Variants in HIBCH observed in about 807,000 individuals in gnomAD.
HIBCH encodes 3-hydroxyisobutyryl-CoA hydrolase, mitochondrial.
A neutral mutation model predicts 58.2 loss-of-function variants in HIBCH; 50 were observed. The observed-to-expected ratio is 0.86, with a 90% CI of 0.68 to 1.09. The LOEUF (loss-of-function observed/expected upper bound fraction) is 1.09, where lower values mean the gene tolerates loss of function less well. HIBCH is among the 50% of genes least tolerant of loss of function. The pLI, the probability that HIBCH is intolerant of heterozygous loss-of-function variation, is 0.00. For missense variants in HIBCH, 450 were observed against 449.7 expected (o/e 1.00, Z -0.01); for synonymous variants, 151 against 146.9 (o/e 1.03, Z -0.20).
rs557505925 is a variant in HIBCH at position 190,197,263 on chromosome 2, C to G, written c.*18-7266G>C. Among the ~76,000 whole-genome samples the G allele has an allele frequency of 2.1e-4, 32 of 152,292 alleles. No individual in the cohort carries two copies. Among genetic ancestry groups the G allele is most frequent in the African/African-American group, 7.7e-4 (32 of 41,568 alleles). On this transcript the variant is annotated intron_variant, in intron 1 of 1. Transcript: ENST00000399855. This position sits in a 1 kb window ranked among gnomAD's most constrained non-coding sequence, Gnocchi z 4.0. ...GCCAAACCTTGTTTAGGGTATACTACTGATTCCTAAGGTGTCGCATTTCTT... is the reference window on the plus strand; with the variant it reads ...GCCAAACCTTGTTTAGGGTATACTAGTGATTCCTAAGGTGTCGCATTTCTT...
At chr2:190,201,717 G>A (rs919254249), downstream of HIBCH, 9 of 166,848 alleles carry the variant, frequency 5.4e-5, no homozygotes, top group Non-Finnish European at 1.2e-4. Flanking sequence ...TAATTTTACC[G>A]AGTCCCGGGA....
chr2:190,292,130 G>A (rs1687974083), intron 4 of HIBCH, among the ~76,000 whole-genome samples: 2 of 148,530 alleles, frequency 1.3e-5, no homozygotes, highest in African/African-American at 2.5e-5. Context: ...TTACAGGCAT[G>A]TGCCACCATG....
intron 9 of HIBCH, among the ~76,000 whole-genome samples, chr2:190,248,783 C>A (rs1312229284): frequency 6.6e-6 from 1 of 151,882 alleles, no homozygotes; most frequent in Non-Finnish European, 1.5e-5. Context: ...ATCGCTTGAA[C>A]CTGGAAGGCA....
chr2:190,235,483 T>C (rs1686248089), intron 11 of HIBCH, among the ~76,000 whole-genome samples: 1 of 152,162 alleles, frequency 6.6e-6, no homozygotes, highest in African/African-American at 2.4e-5. Context: ...TGAAAAAATA[T>C]TGAGGTATAA....
At chr2:190,309,572 T>C (rs1688505698) in intron 2 of HIBCH, among the ~76,000 whole-genome samples, 1 of 151,820 alleles carries the variant, frequency 6.6e-6, no homozygotes, top group Non-Finnish European at 1.5e-5. Flanking sequence ...TTTTTTTTTT[T>C]TTAAGACAGA....
intron 1 of HIBCH, among the ~76,000 whole-genome samples, chr2:190,198,200 A>C (rs1690066924): frequency 6.6e-6 from 1 of 152,192 alleles, no homozygotes; most frequent in African/African-American, 2.4e-5. Context: ...TATTAGGGGT[A>C]GGAACAGATG....
intron 2 of HIBCH, among the ~76,000 whole-genome samples, chr2:190,298,268 C>A (rs897418169): frequency 6.6e-6 from 1 of 152,096 alleles, no homozygotes; most frequent in Non-Finnish European, 1.5e-5. Flanking sequence ...TGGGTATATA[C>A]CCAGAAATGG....
chr2:190,258,002 G>C lies in HIBCH; in HGVS notation c.517+3154C>G, dbSNP rs1052733240. 2.0e-5 allele frequency among the ~76,000 whole-genome samples: 3 copies of C among 152,178 alleles called. No homozygotes were observed. The South Asian group carries it at 6.2e-4, about 32-fold the overall frequency. Reference sequence around the variant, plus strand: ...ATTGACAAATTTCTTGAAAGGCCCTGATATGGTTTGGCTCTGTGTCCCCAT... The same window carrying C: ...ATTGACAAATTTCTTGAAAGGCCCTCATATGGTTTGGCTCTGTGTCCCCAT... On this transcript the variant is annotated intron_variant, in intron 7 of 13. Coordinates refer to ENST00000359678, the MANE Select transcript of HIBCH (RefSeq NM_014362.4).
At chr2:190,283,714 T>C (rs539605203) in intron 6 of HIBCH, among the ~76,000 whole-genome samples, 1 of 152,302 alleles carries the variant, frequency 6.6e-6, no homozygotes, top group East Asian at 1.9e-4. Context: ...ATGCATGTGG[T>C]TGGGCATACC....
At chr2:190,308,380 G>A (rs1688470502) in intron 2 of HIBCH, among the ~76,000 whole-genome samples, 1 of 152,174 alleles carries the variant, frequency 6.6e-6, no homozygotes, top group Non-Finnish European at 1.5e-5. Context: ...AACTCCTGTT[G>A]AAATTTAATC....
intron 9 of HIBCH, among the ~76,000 whole-genome samples, chr2:190,248,700 A>G (rs1686680491): frequency 6.6e-6 from 1 of 151,960 alleles, no homozygotes; most frequent in Non-Finnish European, 1.5e-5. Flanking sequence ...TGTCTCTACT[A>G]AAACACAAAA....
At chr2:190,199,985 T>C, downstream of HIBCH, 1 of 1,614,106 alleles carries the variant, frequency 6.2e-7, no homozygotes, top group South Asian at 1.1e-5. Context: ...GCTTCTCCAG[T>C]TAATGTCAAA....
intron 11 of HIBCH, among the ~76,000 whole-genome samples, chr2:190,218,705 C>T (rs1470172147): frequency 6.6e-6 from 1 of 152,220 alleles, no homozygotes; most frequent in Admixed American, 6.5e-5. Context: ...CTGGTAGCTG[C>T]GTTTCCCCTA....
chr2:190,208,907 G>A lies in HIBCH; in HGVS notation c.1018C>T (p.His340Tyr). ...GCTCTAACGCCTTCATGAAAGTCAT[G>A]ACCTCTCTGAAAGAAAATTGAGATT... ...YRLSQACMRGHDFHEGVRAVL... is the reference protein window; with the variant it reads ...YRLSQACMRGYDFHEGVRAVL... The change falls in exon 13 of 14, where the codon CAT becomes TAT. Residue 340 changes from histidine (H) to tyrosine (Y), a missense_variant. His to Tyr is a moderately conservative substitution (Grantham distance 83). Coordinates refer to ENST00000359678, the MANE Select transcript of HIBCH (RefSeq NM_014362.4). The A allele has an allele frequency of 5.0e-6, 8 of 1,613,402 alleles. No homozygotes were observed. The highest frequency in any genetic ancestry group is 6.8e-6 in the Non-Finnish European group (8 of 1,179,602).
In HIBCH at chr2:190,261,233, C is replaced by T. The variant is rs1687081164; in HGVS notation, c.440G>A (p.Gly147Glu). Residue 147 changes from glycine to glutamate, a missense_variant and splice_region_variant, in exon 7 of 14, where the codon GGA becomes GAA. Gly to Glu is a moderately conservative substitution (Grantham distance 98). Transcript: ENST00000359678. Reference sequence around the variant, plus strand: ...TTGCCCATGGACTGAGAGACCAACTCCCTAGAGAAAAAAGGCAAAAAAAGA... The same window carrying T: ...TTGCCCATGGACTGAGAGACCAACTTCCTAGAGAAAAAAGGCAAAAAAAGA... ...ALIHGITMGG[G>E]VGLSVHGQFR... 6.2e-7 allele frequency: 1 copy of T among 1,612,628 alleles called. No homozygotes were observed. The highest frequency in any genetic ancestry group is 8.5e-7 in the Non-Finnish European group (1 of 1,178,964).
rs1160611469 is a variant in HIBCH, at chr2:190,215,994, G to T, written c.892-2919C>A. On this transcript the variant is annotated intron_variant, in intron 11 of 13. Transcript: ENST00000359678. The surrounding 1 kb of genome is among the most constrained non-coding windows in gnomAD (Gnocchi z 4.4). ...AAGAAACTGAGTTTGAGGGAAAAAG[G>T]AAACAGGGGATGACAGAAAGAGAAA... 6.6e-6 allele frequency: 1 copy of T among 152,492 alleles called. No individual in the cohort carries two copies. Among genetic ancestry groups the T allele is most frequent in the African/African-American group, 2.4e-5 (1 of 41,378 alleles). The allele number at this position is 152,492 out of a possible 1,614,324, so 9.4% of individuals were successfully genotyped here.
chr2:190,221,805 C>T (rs531156528), intron 11 of HIBCH, among the ~76,000 whole-genome samples: 2 of 152,262 alleles, frequency 1.3e-5, no homozygotes, highest in Admixed American at 1.3e-4. Flanking sequence ...AGAGGGATGG[C>T]TTGACAGCAA....
intron 2 of HIBCH, among the ~76,000 whole-genome samples, chr2:190,300,101 C>T (rs540697973): frequency 5.9e-5 from 9 of 152,124 alleles, no homozygotes; most frequent in Non-Finnish European, 1.0e-4. Flanking sequence ...CATGTCTTTG[C>T]TATTGTGAAG....
chr2:190,225,033 C>G (rs1014165307), intron 11 of HIBCH, among the ~76,000 whole-genome samples: 1 of 152,080 alleles, frequency 6.6e-6, no homozygotes, highest in South Asian at 2.1e-4. Flanking sequence ...AGGTACATAA[C>G]GAAATGAAGG....
Sources: allele counts gnomAD v4.1 joint callset (sites outside exome capture counted in the v4.1 genomes callset), GRCh38; gene constraint gnomAD v4.1.1; non-coding constraint Gnocchi (gnomAD v3.1); transcripts MANE v1.5; gene names NCBI Gene and HGNC (gene_info 2026-07-23, HGNC 2026-07-21).